GRM5: variants seen among roughly 807,000 people sequenced by gnomAD.
GRM5 encodes the protein metabotropic glutamate receptor 5.
Under a neutral mutation model 83.1 loss-of-function variants are expected in GRM5, and 19 were observed. The observed-to-expected ratio is 0.23, with a 90% CI of 0.16 to 0.34. The LOEUF (loss-of-function observed/expected upper bound fraction) is 0.34. GRM5 is among the 10% of genes least tolerant of loss of function. The pLI is 1.00. For synonymous variants in GRM5, 675 were observed against 633.6 expected (o/e 1.07, Z -0.98); for missense variants, 1,160 against 1,588.3 (o/e 0.73, Z 4.58).
At chr11:88,642,413 G>C (rs12416762) in intron 4 of GRM5, among the ~76,000 whole-genome samples, 21,566 of 152,104 alleles carry the variant, frequency 0.14, 2,292 homozygotes, top group African/African-American at 0.3. Flanking sequence ...TCATTATCTT[G>C]GATAGCACTT....
At chr11:88,848,468 G>A (rs1320269804) in intron 3 of GRM5, among the ~76,000 whole-genome samples, 1 of 152,184 alleles carries the variant, frequency 6.6e-6, no homozygotes, top group Non-Finnish European at 1.5e-5. Flanking sequence ...GCCATCAAAA[G>A]TTAATAACAA....
At chr11:88,529,542 T>C (rs1438208159) in intron 8 of GRM5, among the ~76,000 whole-genome samples, 1 of 151,838 alleles carries the variant, frequency 6.6e-6, no homozygotes, top group Non-Finnish European at 1.5e-5. Context: ...GGAAAGCAGA[T>C]GGAGAAGTAT....
intron 2 of GRM5, among the ~76,000 whole-genome samples, chr11:88,955,019 G>A (rs1035114752): frequency 1.3e-5 from 2 of 152,162 alleles, no homozygotes; most frequent in Non-Finnish European, 2.9e-5. Flanking sequence ...AAATGATATG[G>A]ACAATTTCTA....
intron 3 of GRM5, among the ~76,000 whole-genome samples, chr11:88,742,929 AG>A (rs1942058632): frequency 6.6e-6 from 1 of 152,096 alleles, no homozygotes; most frequent in South Asian, 2.1e-4. Flanking sequence ...ACGAGGAGGA[AG>A]CTCCAGTCAG....
intron 3 of GRM5, among the ~76,000 whole-genome samples, chr11:88,816,670 A>T (rs114770450): frequency 0.025 from 3,785 of 151,608 alleles, 163 homozygotes; most frequent in African/African-American, 0.087. Context: ...AAAACAATTT[A>T]AAAAATCAGT....
At chr11:88,785,574 G>A (rs1020152992) in intron 3 of GRM5, among the ~76,000 whole-genome samples, 6 of 152,116 alleles carry the variant, frequency 3.9e-5, no homozygotes, top group Non-Finnish European at 7.4e-5. Flanking sequence ...GTGTACTTAC[G>A]ATGTTAAAAA....
intron 1 of GRM5, among the ~76,000 whole-genome samples, chr11:89,051,809 G>C (rs1382908658): frequency 6.6e-6 from 1 of 152,156 alleles, no homozygotes; most frequent in Non-Finnish European, 1.5e-5. Flanking sequence ...GATTATTCTG[G>C]CTGCTCATTT....
intron 1 of GRM5, among the ~76,000 whole-genome samples, chr11:89,051,632 C>T (rs866559414): frequency 6.6e-6 from 1 of 152,106 alleles, no homozygotes; most frequent in Admixed American, 6.5e-5. Context: ...ATCGCTTGAA[C>T]CTGGGAGGAG....
At chr11:89,063,896 A>T (rs893680857) in intron 1 of GRM5, among the ~76,000 whole-genome samples, 3 of 152,082 alleles carry the variant, frequency 2.0e-5, no homozygotes, top group African/African-American at 4.8e-5. Context: ...CACTCCCAGG[A>T]CTTACTTTTC....
At chr11:88,905,095 AAT>A (rs1206666567) in intron 2 of GRM5, among the ~76,000 whole-genome samples, 1 of 152,180 alleles carries the variant, frequency 6.6e-6, no homozygotes, top group East Asian at 1.9e-4. Context: ...GTGTCTATAT[AAT>A]ATATGTGTTT....
At chr11:88,831,446 C>T (rs1042006440) in intron 3 of GRM5, among the ~76,000 whole-genome samples, 5 of 152,218 alleles carry the variant, frequency 3.3e-5, no homozygotes, top group African/African-American at 4.8e-5. Flanking sequence ...ACAGTGCAGC[C>T]GCTGCCTCCC....
At chr11:88,639,733 G>A (rs1383038160) in intron 4 of GRM5, among the ~76,000 whole-genome samples, 1 of 151,988 alleles carries the variant, frequency 6.6e-6, no homozygotes, top group African/African-American at 2.4e-5. Context: ...GACTACAGGT[G>A]CCTGCCACCA....
chr11:88,565,413 C>T (rs1942855211), intron 8 of GRM5, among the ~76,000 whole-genome samples: 1 of 152,204 alleles, frequency 6.6e-6, no homozygotes, highest in South Asian at 2.1e-4. Context: ...GCCACCACTC[C>T]ATGCTGTCTC....
Position 88,774,911 on chromosome 11 carries a change from G to T in GRM5, c.911+74995C>A, listed in dbSNP as rs574569067. On this transcript the variant is annotated intron_variant, in intron 3 of 9. Coordinates refer to ENST00000305447, the MANE Select transcript of GRM5 (RefSeq NM_001143831.3). ...GGATATTGGTCTAAAATTCTCTTTT[G>T]TTGTTGTGTCTCTGCCAGGCTTTGG... Among the ~76,000 whole-genome samples, 70 of 152,230 alleles carry T rather than the reference G, an allele frequency of 4.6e-4. 1 individual carries two copies. The highest frequency in any genetic ancestry group is 1.5e-3 in the African/African-American group (63 of 41,558).
chr11:88,938,446 A>C (rs1392459063), intron 2 of GRM5, among the ~76,000 whole-genome samples: 1 of 151,676 alleles, frequency 6.6e-6, no homozygotes, highest in Non-Finnish European at 1.5e-5. Context: ...ACATTCAACA[A>C]GAAAAAGAAA....
intron 6 of GRM5, among the ~76,000 whole-genome samples, chr11:88,593,960 A>AT (rs1194260597): frequency 2.0e-5 from 3 of 151,574 alleles, no homozygotes; most frequent in East Asian, 4.0e-4. Context: ...TGCCTGGCTA[A>AT]TTTTTTTGTA....
intron 2 of GRM5, among the ~76,000 whole-genome samples, chr11:89,003,134 C>T (rs7125795): frequency 0.1 from 15,451 of 152,156 alleles, 2,541 homozygotes; most frequent in African/African-American, 0.34. Context: ...CAAACACTTG[C>T]TTACTATTTA....
chr11:88,649,859 C>T (rs1384460475), intron 4 of GRM5, among the ~76,000 whole-genome samples: 2 of 151,522 alleles, frequency 1.3e-5, no homozygotes, highest in African/African-American at 2.4e-5. Flanking sequence ...CATGGAAGTA[C>T]AAGAAGGAAT....
intron 2 of GRM5, among the ~76,000 whole-genome samples, chr11:88,898,397 T>C (rs1374026987): frequency 1.3e-5 from 2 of 152,010 alleles, no homozygotes; most frequent in African/African-American, 2.4e-5. Flanking sequence ...TCACATCCCT[T>C]TTTTGGAGGC....
Sources: gnomAD v4.1 joint callset for allele counts (sites outside exome capture counted in the v4.1 genomes callset) on GRCh38, gnomAD v4.1.1 for gene constraint, MANE v1.5 for transcripts, NCBI Gene and HGNC (gene_info 2026-07-23, HGNC 2026-07-21) for gene names.